ZBED3: variants seen among roughly 807,000 people sequenced by gnomAD.
ZBED3 encodes zinc finger BED-type containing 3.
For missense variants in ZBED3, 388 were observed against 362.9 expected, an observed-to-expected ratio of 1.07 and a Z score of -0.56; for synonymous variants, 175 against 180.0, an observed-to-expected ratio of 0.97 and a Z score of 0.22.
chr5:77,082,303 T>C (rs1000870471), intron 1 of ZBED3, among the ~76,000 whole-genome samples: 2 of 151,148 alleles, frequency 1.3e-5, no homozygotes, highest in Non-Finnish European at 3.0e-5. Flanking sequence ...GAGATTCTAC[T>C]CCTGGGGATC....
Position 77,076,985 on chromosome 5 carries a change from C to G in ZBED3, c.*189G>C, listed in dbSNP as rs1461475937. ...GACCCCATGGAAGTGAGTTTTGGTT[C>G]TGCTCTGGCTTCGAAGTGCTTCTCA... On this transcript the variant is annotated 3_prime_UTR_variant, in exon 3 of 3. Transcript: ENST00000255198. 4 of 433,030 alleles carry G rather than the reference C, an allele frequency of 9.2e-6. No individual in the cohort carries two copies. Among genetic ancestry groups the G allele is most frequent in the African/African-American group, 8.2e-5 (4 of 48,778 alleles). The allele number at this position is 433,030 out of a possible 1,614,324, so 26.8% of individuals were successfully genotyped here.
intron 1 of ZBED3, among the ~76,000 whole-genome samples, chr5:77,082,054 G>A (rs762819123): frequency 6.6e-6 from 1 of 152,142 alleles, no homozygotes; most frequent in Non-Finnish European, 1.5e-5. Context: ...ATCACCTGAG[G>A]TCAGGAGTTC....
rs1419854499 is a variant in ZBED3, at chr5:77,074,834, T to C, written c.*2340A>G. On this transcript the variant is annotated 3_prime_UTR_variant, in exon 3 of 3. Transcript: ENST00000255198. ...CCTCTATTGCTGGCCAGCTGTGATC[T>C]TGTACAGGATACTTAACCCCTTTCT... 2.6e-5 allele frequency: 4 copies of C among 152,212 alleles called. No homozygotes were observed. The highest frequency in any genetic ancestry group is 5.9e-5 in the Non-Finnish European group (4 of 68,042). 9.4% of individuals were successfully genotyped at this position (152,212 alleles called of 1,614,324 possible).
At chr5:77,082,570 G>T (rs1366532721) in intron 1 of ZBED3, among the ~76,000 whole-genome samples, 6 of 152,220 alleles carry the variant, frequency 3.9e-5, no homozygotes, top group African/African-American at 1.4e-4. Context: ...AGGGAGAAAA[G>T]AGAGATGCAG....
Position 77,084,527 on chromosome 5 carries a change from C to T in ZBED3, c.-153+2584G>A, listed in dbSNP as rs564368162. On this transcript the variant is annotated intron_variant, in intron 1 of 2. Coordinates refer to ENST00000255198, the MANE Select transcript of ZBED3 (RefSeq NM_032367.4). ...CACGTGGAACTTTAAGTCCATTAAA[C>T]GTCTTTCTTTTATAAATTGCCCAGT... Among the ~76,000 whole-genome samples the T allele has an allele frequency of 5.3e-5, 8 of 152,186 alleles. No individual in the cohort carries two copies. The East Asian group carries it at 9.6e-4, about 18-fold the overall frequency.
In ZBED3 at chr5:77,077,491, C is replaced by G; in HGVS notation, c.388G>C (p.Ala130Pro). The G allele has an allele frequency of 3.4e-6, 4 of 1,189,566 alleles. No individual in the cohort carries two copies. The highest frequency in any genetic ancestry group is 4.1e-6 in the Non-Finnish European group (4 of 963,886). 73.7% of individuals were successfully genotyped at this position (1,189,566 alleles called of 1,614,324 possible). A position where few individuals can be genotyped will look rare whatever the true frequency, so the allele number is the denominator to read the frequency against. The change falls in exon 3 of 3, where the codon GCG becomes CCG. Residue 130 changes from alanine to proline, a missense_variant. Physicochemically the swap from Ala to Pro is conservative, Grantham distance 27. Transcript: ENST00000255198. ...GPAAAPEGDW[A>P]RLLEQMGALA... ...GCGCCCATCTGTTCCAGCAGGCGCGCCCAGTCGCCCTCGGGGGCCGCAGCG... is the reference window on the plus strand; with the variant it reads ...GCGCCCATCTGTTCCAGCAGGCGCGGCCAGTCGCCCTCGGGGGCCGCAGCG...
Position 77,077,176 on chromosome 5 carries a change from A to T in ZBED3, c.703T>A (p.Ter235LysextTer28). ...DGCVITKVLL[*>K] ...GGGGTGGGGAAGTGGCCACACCCCT[A>T]CAGGAGGACCTTTGTGATGACGCAG... Residue 235 changes from the stop codon to lysine (K), a stop_lost, in exon 3 of 3, where the codon TAG (stop) becomes AAG (lysine). Coordinates refer to ENST00000255198, the MANE Select transcript of ZBED3 (RefSeq NM_032367.4). 2 of 1,479,576 alleles carry T rather than the reference A, an allele frequency of 1.4e-6. No individual in the cohort carries two copies. The highest frequency in any genetic ancestry group is 1.8e-6 in the Non-Finnish European group (2 of 1,119,468). 91.7% of individuals were successfully genotyped at this position (1,479,576 alleles called of 1,614,324 possible). A position where few individuals can be genotyped will look rare whatever the true frequency, so the allele number is the denominator to read the frequency against.
Position 77,073,804 on chromosome 5 carries a change from G to A in ZBED3, c.*3370C>T, listed in dbSNP as rs1742925290. ...ATTGAATGGGTTAATGTACTGAGCA[G>A]CTACGGAATGCAAGGCACTGTAGGA... On this transcript the variant is annotated 3_prime_UTR_variant, in exon 3 of 3. Transcript: ENST00000255198. 6.6e-6 allele frequency: 1 copy of A among 152,212 alleles called. No homozygotes were observed. The highest frequency in any genetic ancestry group is 1.5e-5 in the Non-Finnish European group (1 of 68,036). 9.4% of individuals were successfully genotyped at this position (152,212 alleles called of 1,614,324 possible). A position where few individuals can be genotyped will look rare whatever the true frequency, so the allele number is the denominator to read the frequency against.
chr5:77,080,504 C>T (rs763620410), intron 1 of ZBED3: 3 of 518,572 alleles, frequency 5.8e-6, no homozygotes, highest in Non-Finnish European at 1.2e-5. Flanking sequence ...GGCAGCCCTT[C>T]GATTTTGGAG....
In ZBED3 at chr5:77,077,447, G is replaced by A; in HGVS notation, c.432C>T (p.Ser144=). The A allele has an allele frequency of 1.6e-6, 2 of 1,213,006 alleles. No homozygotes were observed. The highest frequency in any genetic ancestry group is 2.1e-6 in the Non-Finnish European group (2 of 975,130). 75.1% of individuals were successfully genotyped at this position (1,213,006 alleles called of 1,614,324 possible). A position where few individuals can be genotyped will look rare whatever the true frequency, so the allele number is the denominator to read the frequency against. ...GCCGCTCCAGCTCCCGCTCCCGCCG[G>A]CTGCCGCGCACGGCCAGCGCGCCCA... ...EQMGALAVRG[S]RRERELERRE... Residue 144 remains serine, a synonymous_variant, in exon 3 of 3, where the codon AGC becomes AGT. Transcript: ENST00000255198.
At position 77,077,827 on chromosome 5, in the gene ZBED3, C is replaced by G; in HGVS notation, c.52G>C (p.Asp18His). The change falls in exon 3 of 3, where the codon GAC (aspartate) becomes CAC (histidine). Residue 18 changes from aspartate to histidine, a missense_variant. Transcript: ENST00000255198. ...CTMDQARGLD[D>H]AAARGGQCPG... The stretch of plus-strand genomic sequence containing the variant: ...CACTGACCGCCCCGCGCCGCCGCGT[C>G]GTCCAGCCCGCGGGCCTGGTCCATG... The G allele has an allele frequency of 7.7e-7, 1 of 1,293,954 alleles. No individual in the cohort carries two copies. The highest frequency in any genetic ancestry group is 9.7e-7 in the Non-Finnish European group (1 of 1,026,568). The allele number at this position is 1,293,954 out of a possible 1,614,324, so 80.2% of individuals were successfully genotyped here.
At chr5:77,080,295 T>C in intron 1 of ZBED3, 10 of 347,978 alleles carry the variant, frequency 2.9e-5, no homozygotes, top group South Asian at 2.2e-4. Context: ...AAAACTGGAA[T>C]GCCCAGAGGG....
Position 77,075,980 on chromosome 5 carries a change from TG to T in ZBED3, c.*1193del. ...ATATATATATATGTATATGTATATA[TG>T]TATATATATATGTATATATGTATAT... On this transcript the variant is annotated 3_prime_UTR_variant, in exon 3 of 3. Transcript: ENST00000255198. The T allele has an allele frequency of 2.9e-5, 1 of 34,798 alleles. No individual in the cohort carries two copies. Among genetic ancestry groups the T allele is most frequent in the East Asian group, 3.8e-4 (1 of 2,652 alleles). The allele number at this position is 34,798 out of a possible 1,614,324, so 2.2% of individuals were successfully genotyped here.
Position 77,076,025 on chromosome 5 carries a change from A to ATATATATATG in ZBED3, c.*1148_*1149insCATATATATA, listed in dbSNP as rs1554048055. 47 of 72,528 alleles carry ATATATATATG rather than the reference A, an allele frequency of 6.5e-4. 5 individuals are homozygous for ATATATATATG. The highest frequency in any genetic ancestry group is 1.1e-3 in the Non-Finnish European group (38 of 35,144). The allele number at this position is 72,528 out of a possible 1,614,324, so 4.5% of individuals were successfully genotyped here. On this transcript the variant is annotated 3_prime_UTR_variant, in exon 3 of 3. Coordinates refer to ENST00000255198, the MANE Select transcript of ZBED3 (RefSeq NM_032367.4). ...TGTATATATATATGTATATATGTAT[A>ATATATATATG]TATATATGTATATATGTATATATAT...
At position 77,075,938 on chromosome 5, in the gene ZBED3, TATATACATATA is replaced by T. The variant is rs1561296232; in HGVS notation, c.*1225_*1235del. 6.1e-4 allele frequency: 8 copies of T among 13,048 alleles called. 1 individual carries two copies. Among genetic ancestry groups the T allele is most frequent in the African/African-American group, 1.6e-3 (5 of 3,184 alleles). 0.8% of individuals were successfully genotyped at this position (13,048 alleles called of 1,614,324 possible). On this transcript the variant is annotated 3_prime_UTR_variant, in exon 3 of 3. Transcript: ENST00000255198. ...ATGCACCCTAGAACTTAAAGTATTATATATACATATATATATATATATATATATGTATATGT... is the reference window on the plus strand; with the variant it reads ...ATGCACCCTAGAACTTAAAGTATTATTATATATATATATATATGTATATGT...
At chr5:77,080,408 A>T (rs930956432) in intron 1 of ZBED3, 2 of 454,388 alleles carry the variant, frequency 4.4e-6, no homozygotes, top group Admixed American at 4.8e-5. Context: ...TGGAAGCCTC[A>T]CCTGAGCCAG....
At chr5:77,082,260 G>A (rs1580149013) in intron 1 of ZBED3, among the ~76,000 whole-genome samples, 1 of 145,314 alleles carries the variant, frequency 6.9e-6, no homozygotes, top group African/African-American at 2.6e-5. Context: ...ACAGCGAAAT[G>A]CTGTATTGAA....
Position 77,077,171 on chromosome 5 carries a change from C to G in ZBED3, c.*3G>C. Reference sequence around the variant, plus strand: ...GTCCTGGGGTGGGGAAGTGGCCACACCCCTACAGGAGGACCTTTGTGATGA... The same window carrying G: ...GTCCTGGGGTGGGGAAGTGGCCACAGCCCTACAGGAGGACCTTTGTGATGA... On this transcript the variant is annotated 3_prime_UTR_variant, in exon 3 of 3. Transcript: ENST00000255198. 9 of 1,469,178 alleles carry G rather than the reference C, an allele frequency of 6.1e-6. No homozygotes were observed. The highest frequency in any genetic ancestry group is 8.1e-6 in the Non-Finnish European group (9 of 1,113,880). The allele number at this position is 1,469,178 out of a possible 1,614,324, so 91.0% of individuals were successfully genotyped here. A position where few individuals can be genotyped will look rare whatever the true frequency, so the allele number is the denominator to read the frequency against.
rs1210235734 is a variant in ZBED3, at chr5:77,075,967, G to GTATATATGTA, written c.*1206_*1207insTACATATATA. 3.3e-5 allele frequency: 1 copy of GTATATATGTA among 30,640 alleles called. No homozygotes were observed. The highest frequency in any genetic ancestry group is 6.8e-5 in the Non-Finnish European group (1 of 14,750). 1.9% of individuals were successfully genotyped at this position (30,640 alleles called of 1,614,324 possible). On this transcript the variant is annotated 3_prime_UTR_variant, in exon 3 of 3. Transcript: ENST00000255198. ...TACATATATATATATATATATATAT[G>GTATATATGTA]TATATGTATATATGTATATATATAT...
Sources: gnomAD v4.1 joint callset for allele counts (sites outside exome capture counted in the v4.1 genomes callset) on GRCh38, gnomAD v4.1.1 for gene constraint, MANE v1.5 for transcripts, NCBI Gene and HGNC (gene_info 2026-07-23, HGNC 2026-07-21) for gene names.